The following URB1 variants were observed in gnomAD, a reference collection of about 807,000 sequenced individuals.
URB1 encodes the protein nucleolar pre-ribosomal-associated protein 1.
Under a neutral mutation model 242.3 loss-of-function variants are expected in URB1, and 197 were observed. The observed-to-expected ratio is 0.81, with a 90% CI of 0.72 to 0.91. The LOEUF is 0.91. URB1 is among the 40% of genes least tolerant of loss of function. The pLI is 0.00. For synonymous variants in URB1, 1,153 were observed against 1,201.8 expected (o/e 0.96, Z 0.84); for missense variants, 2,721 against 2,860.5 (o/e 0.95, Z 1.11).
intron 29 of URB1, 60 bp from the exon 30 acceptor site, chr21:32,333,479 G>A: frequency 1.5e-6 from 2 of 1,310,428 alleles, no homozygotes; most frequent in Non-Finnish European, 2.1e-6. Flanking sequence ...AATACAGGTT[G>A]AGTATCTCTT....
Position 32,384,441 on chromosome 21 carries a change from G to C in URB1, c.306C>G (p.Phe102Leu). ...ESETMLIFQV[F>L]EAILLRTASD... ...TTGCTGTCCGCAATAATATGGCCTC[G>C]AAAACTTGAAATATTAACATCGTCT... Residue 102 changes from phenylalanine (F) to leucine (L), a missense_variant, in exon 3 of 39, where the codon TTC becomes TTG. Physicochemically the swap from Phe to Leu is conservative, Grantham distance 22 (BLOSUM62 0). Coordinates refer to ENST00000382751, the MANE Select transcript of URB1 (RefSeq NM_014825.3). The C allele has an allele frequency of 1.3e-6, 2 of 1,551,288 alleles. No homozygotes were observed. The highest frequency in any genetic ancestry group is 2.4e-5 in the East Asian group (1 of 40,902).
intron 4 of URB1, among the ~76,000 whole-genome samples, chr21:32,379,591 G>C (rs972082866): frequency 6.6e-6 from 1 of 152,174 alleles, no homozygotes; most frequent in Non-Finnish European, 1.5e-5. Flanking sequence ...CTATGTGCCA[G>C]GCACTGTATC....
chr21:32,315,711 C>T (rs2032671979), intron 38 of URB1, among the ~76,000 whole-genome samples: 1 of 152,228 alleles, frequency 6.6e-6, no homozygotes, highest in Non-Finnish European at 1.5e-5. Context: ...AGAAGAACTT[C>T]CCAGAATCAT....
chr21:32,363,350 A>G, intron 10 of URB1, 21 bp from the exon 11 acceptor site: 1 of 1,548,380 alleles, frequency 6.5e-7, no homozygotes, highest in African/African-American at 1.4e-5. Flanking sequence ...AAAGAGTTAA[A>G]TGCACACATG....
chr21:32,322,988 G>A lies in URB1; in HGVS notation c.5234-404C>T, dbSNP rs577497019. On this transcript the variant is annotated intron_variant, in intron 32 of 38. Coordinates refer to ENST00000382751, the MANE Select transcript of URB1 (RefSeq NM_014825.3). Reference sequence around the variant, plus strand: ...TCTAACTGAAAGGAACCGTCACAGCGGGGGAGGCTCAGACACTACTGAGTG... The same window carrying A: ...TCTAACTGAAAGGAACCGTCACAGCAGGGGAGGCTCAGACACTACTGAGTG... 3.3e-5 allele frequency among the ~76,000 whole-genome samples: 5 copies of A among 152,302 alleles called. No individual in the cohort carries two copies. In the South Asian group the frequency reaches 8.3e-4, roughly 25 times the overall value.
chr21:32,325,475 T>G, intron 30 of URB1, 86 bp from the exon 31 acceptor site: 2 of 1,454,890 alleles, frequency 1.4e-6, no homozygotes, highest in South Asian at 2.8e-5. Flanking sequence ...TCCTCTTGTG[T>G]CTTACCAATA....
intron 4 of URB1, among the ~76,000 whole-genome samples, chr21:32,379,282 C>T (rs1044769675): frequency 6.6e-6 from 1 of 152,250 alleles, no homozygotes. Flanking sequence ...GAACTCAAGG[C>T]ATGTGGTCAT....
intron 30 of URB1, among the ~76,000 whole-genome samples, chr21:32,331,200 G>A (rs2032889308): frequency 1.3e-5 from 2 of 152,100 alleles, no homozygotes; most frequent in South Asian, 4.1e-4. Flanking sequence ...ACACCCCACT[G>A]GAATCTCAAG....
intron 15 of URB1, 95 bp from the exon 16 acceptor site, chr21:32,355,660 G>A: frequency 1.9e-6 from 2 of 1,034,760 alleles, no homozygotes; most frequent in South Asian, 1.4e-5. Context: ...CCAGGCTGGA[G>A]TGCAGTGGCA....
intron 30 of URB1, among the ~76,000 whole-genome samples, chr21:32,330,565 A>G (rs2032882467): frequency 6.6e-6 from 1 of 151,954 alleles, no homozygotes; most frequent in South Asian, 2.1e-4. Context: ...ACTTTTTCCA[A>G]GCCTTTTTCT....
At chr21:32,351,172 C>T (rs1159418978) in intron 19 of URB1, among the ~76,000 whole-genome samples, 2 of 152,174 alleles carry the variant, frequency 1.3e-5, no homozygotes, top group South Asian at 4.1e-4. Flanking sequence ...GCATCTACAC[C>T]CCTTGGAGAA....
Position 32,354,945 on chromosome 21 carries a change from T to G in URB1, c.2159A>C (p.Asp720Ala), listed in dbSNP as rs753270513. The G allele has an allele frequency of 7.1e-6, 11 of 1,552,294 alleles. No homozygotes were observed. In the South Asian group the frequency reaches 1.3e-4, roughly 18 times the overall value. The change falls in exon 17 of 39, where the codon GAC (aspartate) becomes GCC (alanine). Residue 720 changes from aspartate to alanine, a missense_variant. By Grantham distance (126) the Asp-to-Ala change is moderately radical (BLOSUM62 -2). Coordinates refer to ENST00000382751, the MANE Select transcript of URB1 (RefSeq NM_014825.3). ...CAGCATGCTTGCTTCTTGGACAAAG[T>G]CAGATGCTTTGTCTGTGTATGAATA... The part of the protein sequence containing the change: ...NPYSYTDKAS[D>A]FVQEASMLQA...
chr21:32,362,567 G>T (rs1288669760), intron 11 of URB1, among the ~76,000 whole-genome samples: 2 of 152,162 alleles, frequency 1.3e-5, no homozygotes, highest in East Asian at 3.9e-4. Flanking sequence ...ACAGGCAAGT[G>T]CTGATCATTA....
At chr21:32,350,262 C>G (rs535527798) in intron 20 of URB1, among the ~76,000 whole-genome samples, 1 of 152,176 alleles carries the variant, frequency 6.6e-6, no homozygotes, top group African/African-American at 2.4e-5. Flanking sequence ...GGTGAGAACC[C>G]ATCTCTTCAA....
chr21:32,357,830 C>T (rs1178311547), intron 14 of URB1, among the ~76,000 whole-genome samples, 174 bp from the exon 15 acceptor site: 3 of 152,128 alleles, frequency 2.0e-5, no homozygotes, highest in South Asian at 2.1e-4. Context: ...GCGTTGGAGA[C>T]GAGCCTGGCC....
intron 5 of URB1, among the ~76,000 whole-genome samples, chr21:32,377,960 G>A (rs1475970993): frequency 6.6e-6 from 1 of 152,168 alleles, no homozygotes; most frequent in Non-Finnish European, 1.5e-5. Flanking sequence ...ATGATGCCAA[G>A]CCTCACTCTA....
intron 32 of URB1, among the ~76,000 whole-genome samples, chr21:32,323,606 T>C (rs919400923): frequency 6.6e-6 from 1 of 152,226 alleles, no homozygotes; most frequent in Non-Finnish European, 1.5e-5. Flanking sequence ...CAATGATGAA[T>C]AATGGCGGTG....
Position 32,353,989 on chromosome 21 carries a change from A to G in URB1, c.2360T>C (p.Val787Ala). 1 of 1,551,124 alleles carries G rather than the reference A, an allele frequency of 6.4e-7. No individual in the cohort carries two copies. The highest frequency in any genetic ancestry group is 8.7e-7 in the Non-Finnish European group (1 of 1,146,414). Residue 787 changes from valine to alanine, a missense_variant, in exon 18 of 39, where the codon GTC becomes GCC. Physicochemically the swap from Val to Ala is moderately conservative, Grantham distance 64 (BLOSUM62 0). Transcript: ENST00000382751. The part of the protein sequence containing the change: ...ILLTFPFSAV[V>A]PAALEARNKL... Reference sequence around the variant, plus strand: ...ATTCCTGGCTTCCAGGGCCGCAGGGACTACCGCACTGAATGGGAACGTGAG... The same window carrying G: ...ATTCCTGGCTTCCAGGGCCGCAGGGGCTACCGCACTGAATGGGAACGTGAG...
intron 32 of URB1, among the ~76,000 whole-genome samples, chr21:32,324,182 C>T (rs1363298465): frequency 6.6e-6 from 1 of 152,214 alleles, no homozygotes. Flanking sequence ...TTTCCTATAA[C>T]TACAAGCGAA....
Sources: gnomAD v4.1 joint callset for allele counts (sites outside exome capture counted in the v4.1 genomes callset) on GRCh38, gnomAD v4.1.1 for gene constraint, MANE v1.5 for transcripts, NCBI Gene and HGNC (gene_info 2026-07-23, HGNC 2026-07-21) for gene names.